Variants in SHROOM4 observed in about 807,000 individuals in gnomAD.
SHROOM4 encodes protein Shroom4.
Under a neutral mutation model 80.3 loss-of-function variants are expected in SHROOM4, and 17 were observed. That is an observed-to-expected ratio of 0.21 (90% CI 0.14 to 0.32). The LOEUF is 0.32. SHROOM4 is among the 10% of genes least tolerant of loss of function. The pLI is 1.00. For synonymous variants in SHROOM4, 400 were observed against 437.5 expected (o/e 0.91, Z 1.07); for missense variants, 993 against 1,140.3 (o/e 0.87, Z 1.86).
At chrX:50,784,159 G>T (rs1557270852) in intron 1 of SHROOM4, among the ~76,000 whole-genome samples, 2 of 111,655 alleles carry the variant, frequency 1.8e-5, no homozygotes, top group Admixed American at 1.9e-4. Flanking sequence ...TTTAGAGATG[G>T]GGTCTCTCTC....
At chrX:50,654,272 G>C (rs189026852) in intron 2 of SHROOM4, among the ~76,000 whole-genome samples, 96 of 111,225 alleles carry the variant, frequency 8.6e-4, no homozygotes, top group Non-Finnish European at 1.2e-3. Context: ...TACTTCCCTG[G>C]TAAGGCTTCT....
chrX:50,772,095 T>C (rs1448962274), intron 1 of SHROOM4, among the ~76,000 whole-genome samples: 2 of 110,905 alleles, frequency 1.8e-5, no homozygotes, highest in Non-Finnish European at 3.8e-5. Context: ...TCAATGCCTG[T>C]TACCTCTAGG....
In SHROOM4 at chrX:50,595,622, G is replaced by C. The variant is rs1223917457; in HGVS notation, c.*1073C>G. ...GGCCAGGCCACAGTAGGGAGGCTCTGAGTTCAAGGGGAAAACTCCTTCCTA... is the reference window on the plus strand; with the variant it reads ...GGCCAGGCCACAGTAGGGAGGCTCTCAGTTCAAGGGGAAAACTCCTTCCTA... On this transcript the variant is annotated 3_prime_UTR_variant, in exon 9 of 9. Transcript: ENST00000376020. The C allele has an allele frequency of 4.0e-6, 1 of 247,407 alleles. No individual in the cohort carries two copies. The highest frequency in any genetic ancestry group is 7.5e-6 in the Non-Finnish European group (1 of 133,902). 20.4% of individuals were successfully genotyped at this position (247,407 alleles called of 1,213,427 possible).
At chrX:50,650,007 A>G (rs996741594) in intron 2 of SHROOM4, among the ~76,000 whole-genome samples, 8 of 112,286 alleles carry the variant, frequency 7.1e-5, no homozygotes, top group Non-Finnish European at 1.5e-4. Flanking sequence ...ATTTAGGAAG[A>G]GTTAGAACAT....
Position 50,635,636 on chromosome X carries a change from C to T in SHROOM4, c.437G>A (p.Arg146Gln), listed in dbSNP as rs199603614. 1.6e-4 allele frequency: 192 copies of T among 1,206,529 alleles called. 2 individuals are homozygous for T. Among genetic ancestry groups the T allele is most frequent in the Middle Eastern group, 7.7e-4 (3 of 3,880 alleles). The change falls in exon 4 of 9, where the codon CGG becomes CAG. Residue 146 changes from arginine (R) to glutamine (Q), a missense_variant. Coordinates refer to ENST00000376020, the MANE Select transcript of SHROOM4 (RefSeq NM_020717.5). ...GCTGCTTTTCTCGGTGCTGCAATGC[C>T]GGGAGAGTGGACACCACTGCACACA... ...DVCVQWCPLS[R>Q]HCSTEKSSSI...
chrX:50,812,115 T>C (rs1411922678), intron 1 of SHROOM4, among the ~76,000 whole-genome samples: 1 of 107,471 alleles, frequency 9.3e-6, no homozygotes, highest in Non-Finnish European at 1.9e-5. Context: ...AAAAATGACC[T>C]CTCCAAGGCA....
At chrX:50,768,495 C>A (rs141170192) in intron 1 of SHROOM4, among the ~76,000 whole-genome samples, 1 of 111,518 alleles carries the variant, frequency 9.0e-6, no homozygotes, top group Admixed American at 9.5e-5. Context: ...GGGCTAAGGG[C>A]GTTAAGTCTG....
intron 6 of SHROOM4, among the ~76,000 whole-genome samples, chrX:50,604,522 T>C: frequency 8.9e-6 from 1 of 111,974 alleles, no homozygotes; most frequent in Non-Finnish European, 1.9e-5. Context: ...AGTATATCTA[T>C]GTTAGCAGAT....
chrX:50,797,574 G>A (rs1173136824), intron 1 of SHROOM4, among the ~76,000 whole-genome samples: 3 of 111,696 alleles, frequency 2.7e-5, no homozygotes, highest in South Asian at 3.8e-4. Flanking sequence ...AAGGATGACT[G>A]GGAAACTATT....
intron 1 of SHROOM4, among the ~76,000 whole-genome samples, chrX:50,714,425 AT>A (rs201546578): frequency 0.057 from 6,330 of 111,786 alleles, 439 homozygotes; most frequent in African/African-American, 0.2. Context: ...AGAAGAAAGT[AT>A]CTTGAGATGT....
At chrX:50,708,059 C>T (rs1460656898) in intron 1 of SHROOM4, among the ~76,000 whole-genome samples, 2 of 111,694 alleles carry the variant, frequency 1.8e-5, no homozygotes, top group South Asian at 3.8e-4. Context: ...GGCAAGTTAC[C>T]CTCCTCTCTT....
At chrX:50,695,256 G>A (rs1261933644) in intron 2 of SHROOM4, among the ~76,000 whole-genome samples, 1 of 111,860 alleles carries the variant, frequency 8.9e-6, no homozygotes, top group Admixed American at 9.5e-5. Context: ...ATTTTTGTCT[G>A]AACAATCCAT....
chrX:50,625,849 C>T (rs1271570520), intron 5 of SHROOM4, among the ~76,000 whole-genome samples: 1 of 111,956 alleles, frequency 8.9e-6, no homozygotes, highest in East Asian at 2.8e-4. Flanking sequence ...GCTGGTCTAC[C>T]TAGGCTGGTC....
chrX:50,577,380 A>G, the SHROOM4 span, among the ~76,000 whole-genome samples: 1 of 112,722 alleles, frequency 8.9e-6, no homozygotes, highest in African/African-American at 3.2e-5. Flanking sequence ...GAAGTTGTGC[A>G]AAATAAACAG....
intron 1 of SHROOM4, among the ~76,000 whole-genome samples, chrX:50,759,537 T>C (rs1935106194): frequency 8.9e-6 from 1 of 112,362 alleles, no homozygotes; most frequent in South Asian, 3.7e-4. Context: ...ATGCTGTTTT[T>C]CTGCTATTTC....
rs1935960171 is a variant in SHROOM4, at chrX:50,795,114, GATATATATATATGAT to G, written c.117+18773_117+18787del. ...ATATATATATATGATATATATATAT[GATATATATATATGAT>G]ATATATATATATATATGATATATAT... On this transcript the variant is annotated intron_variant, in intron 1 of 8. Coordinates refer to ENST00000376020, the MANE Select transcript of SHROOM4 (RefSeq NM_020717.5). Among the ~76,000 whole-genome samples, 8 of 50,486 alleles carry G rather than the reference GATATATATATATGAT, an allele frequency of 1.6e-4. 2 individuals carry two copies. The highest frequency in any genetic ancestry group is 1.3e-3 in the African/African-American group (8 of 6,398). 43.8% of individuals were successfully genotyped at this position (50,486 alleles called of 115,157 possible).
chrX:50,698,614 G>A (rs1933437613), intron 1 of SHROOM4, among the ~76,000 whole-genome samples: 1 of 110,985 alleles, frequency 9.0e-6, no homozygotes, highest in South Asian at 3.9e-4. Context: ...AGACTTGTTG[G>A]TCCTTTTTAA....
At chrX:50,792,649 CA>C (rs1365778034) in intron 1 of SHROOM4, among the ~76,000 whole-genome samples, 1 of 109,811 alleles carries the variant, frequency 9.1e-6, no homozygotes, top group Admixed American at 9.8e-5. Flanking sequence ...TAAAAATGGG[CA>C]AAGGACTTGA....
intron 1 of SHROOM4, among the ~76,000 whole-genome samples, chrX:50,768,477 C>T (rs1017470140): frequency 3.6e-5 from 4 of 111,623 alleles, no homozygotes; most frequent in African/African-American, 1.3e-4. Flanking sequence ...AGGTCTATTC[C>T]CTGGATGGGG....
Sources: gnomAD v4.1 joint callset for allele counts (sites outside exome capture counted in the v4.1 genomes callset) on GRCh38, gnomAD v4.1.1 for gene constraint, MANE v1.5 for transcripts, NCBI Gene and HGNC (gene_info 2026-07-23, HGNC 2026-07-21) for gene names.